PCDH15: variants seen among roughly 807,000 people sequenced by gnomAD.
The protein encoded by PCDH15 is protocadherin related 15.
A neutral mutation model predicts 178.5 loss-of-function variants in PCDH15; 129 were observed. The ratio of observed to expected loss-of-function variants is 0.72; its 90% CI spans 0.63 to 0.84. The LOEUF (loss-of-function observed/expected upper bound fraction) is 0.84. Among genes scored for constraint, PCDH15 ranks in the 40% least tolerant of loss-of-function variants. PCDH15 has a pLI of 0.00. For synonymous variants in PCDH15, 800 were observed against 732.0 expected, an observed-to-expected ratio of 1.09 and a Z score of -1.50; for missense variants, 2,230 against 2,099.9, an observed-to-expected ratio of 1.06 and a Z score of -1.21.
At chr10:54,811,879 T>G (rs1952870028) in intron 3 of PCDH15, among the ~76,000 whole-genome samples, 1 of 152,232 alleles carries the variant, frequency 6.6e-6, no homozygotes, top group Admixed American at 6.5e-5. Flanking sequence ...ATGCAATCAG[T>G]TATTCCCTAA....
rs939267787 is a variant in PCDH15 at position 55,308,883 on chromosome 10, GC to G, written c.-156+10715del. Among the ~76,000 whole-genome samples the G allele has an allele frequency of 5.1e-3, 770 of 152,222 alleles. 6 individuals are homozygous for G. The highest frequency in any genetic ancestry group is 0.017 in the African/African-American group (715 of 41,528). On this transcript the variant is annotated intron_variant, in intron 1 of 5. Coordinates refer to the PCDH15 transcript ENST00000458638. ...AAAGGTAAGCTATTTTGAACTTGTG[GC>G]CATGTTCAATTTGGAGGTCAGTTTG...
At chr10:54,642,333 G>C (rs1565829418) in intron 2 of PCDH15, among the ~76,000 whole-genome samples, 1 of 152,146 alleles carries the variant, frequency 6.6e-6, no homozygotes, top group Non-Finnish European at 1.5e-5. Flanking sequence ...GCAGTTTAAA[G>C]TGTTATGTTT....
intron 2 of PCDH15, among the ~76,000 whole-genome samples, chr10:55,117,067 T>C (rs1837644883): frequency 6.6e-6 from 1 of 152,184 alleles, no homozygotes; most frequent in Non-Finnish European, 1.5e-5. Context: ...CAGTTTTCCC[T>C]GTTTTGGGGG....
At chr10:53,814,542 A>T (rs1041529204) in intron 35 of PCDH15, among the ~76,000 whole-genome samples, 4 of 152,174 alleles carry the variant, frequency 2.6e-5, no homozygotes, top group African/African-American at 9.7e-5. Context: ...TGATTCAATC[A>T]GTCACTCTGT....
intron 2 of PCDH15, among the ~76,000 whole-genome samples, chr10:55,583,505 C>T (rs192785024): frequency 7.0e-4 from 107 of 152,236 alleles, no homozygotes; most frequent in South Asian, 8.3e-4. Flanking sequence ...ACGATCTCAG[C>T]TTACTGCAAC....
At chr10:55,008,996 G>A (rs79318432) in intron 2 of PCDH15, among the ~76,000 whole-genome samples, 2,577 of 152,128 alleles carry the variant, frequency 0.017, 73 homozygotes, top group African/African-American at 0.059. Flanking sequence ...GTCTCACTCC[G>A]GAAGAAAACA....
intron 1 of PCDH15, among the ~76,000 whole-genome samples, chr10:54,731,383 C>A (rs1315372480): frequency 6.7e-6 from 1 of 150,080 alleles, no homozygotes; most frequent in Non-Finnish European, 1.5e-5. Context: ...AAAAATAAAA[C>A]TACTATATGA....
intron 2 of PCDH15, among the ~76,000 whole-genome samples, chr10:55,425,563 T>A (rs1009833519): frequency 3.3e-5 from 5 of 152,268 alleles, no homozygotes; most frequent in South Asian, 2.1e-4. Context: ...AGTGTATTTC[T>A]TTCATTTTAT....
intron 25 of PCDH15, among the ~76,000 whole-genome samples, chr10:53,916,649 T>A (rs1158785935): frequency 6.6e-6 from 1 of 152,212 alleles, no homozygotes; most frequent in African/African-American, 2.4e-5. Context: ...GTAGTTGTAA[T>A]CTGGGCAATA....
chr10:54,307,102 GTGTATATATATATATATATATA>G (rs2060585415), intron 8 of PCDH15, among the ~76,000 whole-genome samples: 15 of 11,680 alleles, frequency 1.3e-3, no homozygotes, highest in Non-Finnish European at 1.9e-3. Context: ...ATGTGTGTGT[GTGTATATATATATATATATATA>G]TATATATATA....
chr10:54,915,656 A>C (rs1054118996), intron 2 of PCDH15, among the ~76,000 whole-genome samples: 2 of 152,182 alleles, frequency 1.3e-5, no homozygotes, highest in Admixed American at 6.5e-5. Flanking sequence ...AATTTGAATA[A>C]GTTTTGAAAA....
chr10:55,075,568 C>T (rs886844460), intron 2 of PCDH15, among the ~76,000 whole-genome samples: 6 of 151,676 alleles, frequency 4.0e-5, no homozygotes, highest in Non-Finnish European at 8.8e-5. Flanking sequence ...TTTCACCATG[C>T]TGGCCAAGAT....
chr10:55,019,601 G>T (rs1003142616), intron 2 of PCDH15, among the ~76,000 whole-genome samples: 1 of 152,088 alleles, frequency 6.6e-6, no homozygotes, highest in Non-Finnish European at 1.5e-5. Flanking sequence ...CAAAAATTCT[G>T]ATGCTGTGAC....
At chr10:54,647,385 C>A (rs1351633592) in intron 2 of PCDH15, among the ~76,000 whole-genome samples, 1 of 151,866 alleles carries the variant, frequency 6.6e-6, no homozygotes, top group Admixed American at 6.6e-5. Flanking sequence ...TGAGAATATG[C>A]TAAACAACAT....
At chr10:53,999,892 A>G (rs1221826975) in intron 20 of PCDH15, among the ~76,000 whole-genome samples, 1 of 152,142 alleles carries the variant, frequency 6.6e-6, no homozygotes, top group African/African-American at 2.4e-5. Context: ...GGTCTTGGAC[A>G]AGACCCAGTG....
chr10:54,848,706 C>T (rs947089932), intron 3 of PCDH15, among the ~76,000 whole-genome samples: 2 of 152,190 alleles, frequency 1.3e-5, no homozygotes, highest in Admixed American at 6.6e-5. Context: ...GATCACACCA[C>T]TGTTAATAAA....
intron 15 of PCDH15, among the ~76,000 whole-genome samples, chr10:54,124,448 C>G (rs1008293638): frequency 1.3e-5 from 2 of 151,380 alleles, no homozygotes; most frequent in African/African-American, 4.9e-5. Context: ...GTACTTAATG[C>G]CAAAGATGGT....
At chr10:54,606,567 T>G (rs2134169855) in intron 2 of PCDH15, 1 of 152,182 alleles carries the variant, frequency 6.6e-6, no homozygotes, top group East Asian at 1.9e-4. Context: ...ATAAAAATTT[T>G]AGAATTTTGT....
chr10:55,404,549 T>C (rs1838153111), intron 2 of PCDH15, among the ~76,000 whole-genome samples: 1 of 151,980 alleles, frequency 6.6e-6, no homozygotes, highest in Non-Finnish European at 1.5e-5. Flanking sequence ...GTCATGGCTC[T>C]CATATAATAT....
Sources: allele counts gnomAD v4.1 joint callset (sites outside exome capture counted in the v4.1 genomes callset), GRCh38; gene constraint gnomAD v4.1.1; transcripts MANE v1.5; gene names NCBI Gene and HGNC (gene_info 2026-07-23, HGNC 2026-07-21).